Variants in ARHGAP17 observed in about 807,000 individuals in gnomAD.
ARHGAP17 encodes the protein Rho GTPase activating protein 17.
ARHGAP17 carries 57 observed loss-of-function variants against 99.5 expected under a neutral mutation model. The ratio of observed to expected loss-of-function variants is 0.57; its 90% CI spans 0.46 to 0.71. ARHGAP17 has a LOEUF of 0.71. Ranked by LOEUF, ARHGAP17 falls within the 30% of genes least tolerant of loss-of-function variation. ARHGAP17 has a pLI of 0.00. For synonymous variants in ARHGAP17, 417 were observed against 429.6 expected, an observed-to-expected ratio of 0.97 and a Z score of 0.36; for missense variants, 1,000 against 1,122.4, an observed-to-expected ratio of 0.89 and a Z score of 1.56.
At chr16:24,962,002 T>C (rs1308896850) in intron 7 of ARHGAP17, among the ~76,000 whole-genome samples, 10 of 150,500 alleles carry the variant, frequency 6.6e-5, no homozygotes, top group African/African-American at 2.2e-4. Flanking sequence ...ACTTCTGTTT[T>C]TGGCATCAAG....
intron 3 of ARHGAP17, among the ~76,000 whole-genome samples, chr16:24,972,996 G>A (rs185112207): frequency 3.6e-4 from 55 of 151,410 alleles, no homozygotes; most frequent in Non-Finnish European, 6.3e-4. Context: ...GGTCAGTGAC[G>A]CGATCTCAGC....
rs576855957 is a variant in ARHGAP17, at chr16:24,983,162, G to T, written c.54-4157C>A. 4.0e-5 allele frequency among the ~76,000 whole-genome samples: 6 copies of T among 150,922 alleles called. No individual in the cohort carries two copies. In the South Asian group the frequency reaches 1.3e-3, roughly 32 times the overall value. The stretch of plus-strand genomic sequence containing the variant: ...TGAGACTACAGGCATACACCACCAC[G>T]CTCAGCTAATTTTTCTATTTTTAGT... On this transcript the variant is annotated intron_variant, in intron 1 of 19. Coordinates refer to ENST00000289968, the MANE Select transcript of ARHGAP17 (RefSeq NM_001006634.3).
chr16:24,971,679 A>G (rs1305058776), intron 3 of ARHGAP17, among the ~76,000 whole-genome samples: 1 of 152,228 alleles, frequency 6.6e-6, no homozygotes, highest in Non-Finnish European at 1.5e-5. Flanking sequence ...TTATTTAAAT[A>G]CCTAAAAACT....
At position 24,939,406 on chromosome 16, in the gene ARHGAP17, G is replaced by A; in HGVS notation, c.1682C>T (p.Ser561Phe). 2 of 1,610,920 alleles carry A rather than the reference G, an allele frequency of 1.2e-6. No individual in the cohort carries two copies. The highest frequency in any genetic ancestry group is 1.7e-6 in the Non-Finnish European group (2 of 1,179,820). The change falls in exon 17 of 20, where the codon TCC becomes TTC. Residue 561 changes from serine to phenylalanine, a missense_variant. This residue lies in a region of ARHGAP17 where 528 missense variants were observed against 511.4 expected (regional missense o/e 1.03). Transcript: ENST00000289968. ...CGGCCCCTGCTCCAGTATGCCCGCG[G>A]AAGAGGGGACAGTCCCACCCCCAGA... ...SSSGGGTVPS[S>F]AGILEQGPSP... is the part of the protein sequence containing the mutation.
At chr16:24,994,262 T>G (rs2053131648) in intron 1 of ARHGAP17, among the ~76,000 whole-genome samples, 1 of 152,112 alleles carries the variant, frequency 6.6e-6, no homozygotes, top group Non-Finnish European at 1.5e-5. Flanking sequence ...ACACTGTAAA[T>G]ACCTTAAAAC....
intron 13 of ARHGAP17, chr16:24,949,053 T>G (rs1271101029): frequency 5.7e-6 from 1 of 175,540 alleles, no homozygotes; most frequent in African/African-American, 2.4e-5. Flanking sequence ...CATTACAGAA[T>G]GTACAATTAT....
intron 1 of ARHGAP17, among the ~76,000 whole-genome samples, chr16:24,983,820 T>G (rs987509207): frequency 5.5e-4 from 84 of 152,346 alleles, no homozygotes; most frequent in African/African-American, 1.9e-3. Flanking sequence ...TTCTGCAATT[T>G]TACTAGTCAC....
chr16:24,946,108 G>A (rs540775699), intron 14 of ARHGAP17, among the ~76,000 whole-genome samples: 21 of 152,060 alleles, frequency 1.4e-4, no homozygotes, highest in Non-Finnish European at 1.9e-4. Flanking sequence ...GCTTTCCAGC[G>A]GATCCCCCGA....
At chr16:24,929,132 A>C (rs2050914877) in intron 19 of ARHGAP17, among the ~76,000 whole-genome samples, 1 of 151,492 alleles carries the variant, frequency 6.6e-6, no homozygotes, top group African/African-American at 2.4e-5. Context: ...TAAGAGGCTC[A>C]CCAAAAAGAT....
intron 19 of ARHGAP17, among the ~76,000 whole-genome samples, chr16:24,926,407 C>T (rs2152440785): frequency 6.6e-6 from 1 of 151,974 alleles, no homozygotes; most frequent in South Asian, 2.1e-4. Context: ...ATTACAGGCA[C>T]CCACCACGAC....
chr16:24,950,836 C>CAAACAAAAAAAAAAAAAAA (rs1386246671), intron 12 of ARHGAP17, among the ~76,000 whole-genome samples: 1 of 39,444 alleles, frequency 2.5e-5, no homozygotes, highest in African/African-American at 1.0e-4. Context: ...GACTCCAACT[C>CAAACAAAAAAAAAAAAAAA]AAAAAAAAAA....
At chr16:24,968,153 A>T (rs952623836) in intron 6 of ARHGAP17, among the ~76,000 whole-genome samples, 198 bp downstream of exon 6, 1 of 152,190 alleles carries the variant, frequency 6.6e-6, no homozygotes, top group Non-Finnish European at 1.5e-5. Flanking sequence ...CTGGCTCACT[A>T]AGAACAGGAT....
chr16:24,926,819 G>C (rs962422097), intron 19 of ARHGAP17, among the ~76,000 whole-genome samples: 1 of 152,288 alleles, frequency 6.6e-6, no homozygotes, highest in East Asian at 1.9e-4. Context: ...AAAAAACCAA[G>C]TGGTGCATCA....
intron 1 of ARHGAP17, among the ~76,000 whole-genome samples, chr16:25,014,891 G>A (rs1057060047): frequency 2.6e-5 from 4 of 152,234 alleles, no homozygotes; most frequent in African/African-American, 7.2e-5. Flanking sequence ...GGAGGAGAAG[G>A]ACCGGGTCTA....
At chr16:24,980,460 C>T (rs1348728150) in intron 1 of ARHGAP17, among the ~76,000 whole-genome samples, 4 of 152,164 alleles carry the variant, frequency 2.6e-5, no homozygotes, top group African/African-American at 7.2e-5. Flanking sequence ...AGAGACAAAG[C>T]CAAGGCCCCA....
chr16:24,969,596 T>C (rs912394196), intron 4 of ARHGAP17, among the ~76,000 whole-genome samples: 6 of 152,230 alleles, frequency 3.9e-5, no homozygotes, highest in African/African-American at 1.2e-4. Flanking sequence ...ACCTCCTAGG[T>C]TGTTTTAAGG....
intron 1 of ARHGAP17, among the ~76,000 whole-genome samples, chr16:24,988,812 G>A (rs979606879): frequency 1.3e-5 from 2 of 152,142 alleles, no homozygotes; most frequent in Non-Finnish European, 2.9e-5. Context: ...AGCAAAATCT[G>A]AAAGAAATCT....
At chr16:24,922,842 AT>A (rs948785730) in intron 19 of ARHGAP17, among the ~76,000 whole-genome samples, 1 of 151,486 alleles carries the variant, frequency 6.6e-6, no homozygotes, top group Non-Finnish European at 1.5e-5. Context: ...TGCCTGGCTA[AT>A]TTTTTTTATT....
chr16:24,982,619 A>G (rs570590793), intron 1 of ARHGAP17, among the ~76,000 whole-genome samples: 1 of 152,154 alleles, frequency 6.6e-6, no homozygotes, highest in Admixed American at 6.5e-5. Context: ...CTATTCCAAT[A>G]ATGTGGTCCA....
Sources: gnomAD v4.1 joint callset for allele counts (sites outside exome capture counted in the v4.1 genomes callset) on GRCh38, gnomAD v4.1.1 for gene constraint, gnomAD v4.1.1 regional missense constraint, MANE v1.5 for transcripts, NCBI Gene and HGNC (gene_info 2026-07-23, HGNC 2026-07-21) for gene names.